Variants in BRIP1 observed in about 807,000 individuals in gnomAD.
BRIP1 encodes the protein Fanconi anemia group J protein.
Under a neutral mutation model 119.7 loss-of-function variants are expected in BRIP1, and 88 were observed. That is an observed-to-expected ratio of 0.74 (90% CI 0.62 to 0.88). The LOEUF (loss-of-function observed/expected upper bound fraction) is 0.88, where lower values mean the gene tolerates loss of function less well. Among genes scored for constraint, BRIP1 ranks in the 40% least tolerant of loss-of-function variants. BRIP1 has a pLI of 0.00. For synonymous variants in BRIP1, 443 were observed against 496.5 expected (o/e 0.89, Z 1.43); for missense variants, 1,259 against 1,455.4 (o/e 0.87, Z 2.20).
intron 11 of BRIP1, 52 bp from the exon 12 acceptor site, chr17:61,781,057 C>A (rs937461559): frequency 6.5e-7 from 1 of 1,549,326 alleles, no homozygotes. Context: ...AAACCTATGA[C>A]CCAGCTACAT....
Position 61,805,914 on chromosome 17 carries a change from TA to T in BRIP1, c.918+2552del, listed in dbSNP as rs2078067364. Among the ~76,000 whole-genome samples, 1 of 152,214 alleles carries T rather than the reference TA, an allele frequency of 6.6e-6. No homozygotes were observed. Among genetic ancestry groups the T allele is most frequent in the Non-Finnish European group, 1.5e-5 (1 of 68,012 alleles). ...ACCAAAAAAAGATATATATCTAAAA[TA>T]ATATTTCAGAATTGTCATTCCTGAC... On this transcript the variant is annotated intron_variant, in intron 7 of 19. Coordinates refer to ENST00000259008, the MANE Select transcript of BRIP1 (RefSeq NM_032043.3). The surrounding 1 kb of genome is among the most constrained non-coding windows in gnomAD (Gnocchi z 5.6).
intron 14 of BRIP1, among the ~76,000 whole-genome samples, chr17:61,765,382 TATA>T (rs1567798682): frequency 0.039 from 704 of 18,138 alleles, 9 homozygotes; most frequent in Non-Finnish European, 0.043. Flanking sequence ...GTATATATTA[TATA>T]TATATATATA....
intron 16 of BRIP1, among the ~76,000 whole-genome samples, chr17:61,718,177 C>T (rs955946249): frequency 6.6e-6 from 1 of 152,030 alleles, no homozygotes; most frequent in South Asian, 2.1e-4. Context: ...TCTTTGCATG[C>T]CTGCTAATTT....
Position 61,799,034 on chromosome 17 carries a change from T to A in BRIP1, c.1340+66A>T. The A allele has an allele frequency of 2.1e-6, 3 of 1,448,998 alleles. No individual in the cohort carries two copies. Among genetic ancestry groups the A allele is most frequent in the South Asian group, 2.3e-5 (2 of 87,638 alleles). The allele number at this position is 1,448,998 out of a possible 1,614,324, so 89.8% of individuals were successfully genotyped here. On this transcript the variant is annotated intron_variant, in intron 9 of 19. Coordinates refer to ENST00000259008, the MANE Select transcript of BRIP1 (RefSeq NM_032043.3). The surrounding 1 kb of genome is among the most constrained non-coding windows in gnomAD (Gnocchi z 5.1). Reference sequence around the variant, plus strand: ...CAAAGTTTACTAACTTTAAATACTCTGGCATAATCAAACATATTTTTCATA... The same window carrying A: ...CAAAGTTTACTAACTTTAAATACTCAGGCATAATCAAACATATTTTTCATA...
chr17:61,820,688 G>A (rs1452007399), intron 6 of BRIP1, among the ~76,000 whole-genome samples: 3 of 152,142 alleles, frequency 2.0e-5, no homozygotes, highest in African/African-American at 7.2e-5. Context: ...AGTGGCTCAC[G>A]CCTGTAATCC....
chr17:61,687,597 T>C lies in BRIP1; in HGVS notation c.2576-1432A>G, dbSNP rs2061380588. Among the ~76,000 whole-genome samples, 1 of 152,188 alleles carries C rather than the reference T, an allele frequency of 6.6e-6. No individual in the cohort carries two copies. The highest frequency in any genetic ancestry group is 2.4e-5 in the African/African-American group (1 of 41,466). ...CTAATCTAAAACAAAATTTAACATC[T>C]CTTTATTATAATAAAATGTATTTTT... On this transcript the variant is annotated intron_variant, in intron 18 of 19. Coordinates refer to ENST00000259008, the MANE Select transcript of BRIP1 (RefSeq NM_032043.3). The surrounding 1 kb of genome is among the most constrained non-coding windows in gnomAD (Gnocchi z 5.1).
chr17:61,793,081 C>T lies in BRIP1; in HGVS notation c.1473+516G>A, dbSNP rs1032466190. Among the ~76,000 whole-genome samples, 4 of 151,906 alleles carry T rather than the reference C, an allele frequency of 2.6e-5. No homozygotes were observed. The highest frequency in any genetic ancestry group is 1.3e-4 in the Admixed American group (2 of 15,220). ...ACAAAAAAAGAAAATATATTCTTAT[C>T]GGCAAAAAACATTAGAAAATATAAT... is the stretch of plus-strand genomic sequence containing the variant. On this transcript the variant is annotated intron_variant, in intron 10 of 19. Coordinates refer to ENST00000259008, the MANE Select transcript of BRIP1 (RefSeq NM_032043.3). The surrounding 1 kb of genome is among the most constrained non-coding windows in gnomAD (Gnocchi z 5.2).
In BRIP1 at chr17:61,809,737, GA is replaced by G. The variant is rs1182936163; in HGVS notation, c.628-981del. The stretch of plus-strand genomic sequence containing the variant: ...ATAGAAGTGGTCATTGATGGGGAGG[GA>G]AAAAAGGTAAATAGCATTGTAACTT... On this transcript the variant is annotated intron_variant, in intron 6 of 19. Coordinates refer to ENST00000259008, the MANE Select transcript of BRIP1 (RefSeq NM_032043.3). This position sits in a 1 kb window ranked among gnomAD's most constrained non-coding sequence, Gnocchi z 5.2. Among the ~76,000 whole-genome samples the G allele has an allele frequency of 6.6e-6, 1 of 151,918 alleles. No individual in the cohort carries two copies. The highest frequency in any genetic ancestry group is 2.4e-5 in the African/African-American group (1 of 41,388).
rs1028264018 is a variant in BRIP1, at chr17:61,827,648, G to C, written c.628-18891C>G. Among the ~76,000 whole-genome samples the C allele has an allele frequency of 6.6e-6, 1 of 152,194 alleles. No individual in the cohort carries two copies. The highest frequency in any genetic ancestry group is 1.5e-5 in the Non-Finnish European group (1 of 68,026). The stretch of plus-strand genomic sequence containing the variant: ...GGAGGCTGAGGTGGGAGGACTGCTT[G>C]ATCCTGGGAGGCGGACACTGCAGTC... On this transcript the variant is annotated intron_variant, in intron 6 of 19. Transcript: ENST00000259008. This position sits in a 1 kb window ranked among gnomAD's most constrained non-coding sequence, Gnocchi z 5.8.
intron 6 of BRIP1, among the ~76,000 whole-genome samples, chr17:61,826,153 G>T (rs968201624): frequency 2.0e-5 from 3 of 152,142 alleles, no homozygotes; most frequent in African/African-American, 4.8e-5. Flanking sequence ...AATGGGGAAA[G>T]GATTCCCTAT....
In BRIP1 at chr17:61,683,623, A is replaced by G. The variant is rs2144076602; in HGVS notation, c.3423T>C (p.Asp1141=). ...YFTPELYDPE[D]TDEEKNDLAE... is the part of the protein sequence containing the mutation. The stretch of plus-strand genomic sequence containing the variant: ...CTAGGTCATTTTTTTCTTCATCTGT[A>G]TCTTCAGGATCATAAAGTTCAGGTG... Residue 1141 remains aspartate (D), a synonymous_variant, in exon 20 of 20, where the codon GAT becomes GAC. Coordinates refer to ENST00000259008, the MANE Select transcript of BRIP1 (RefSeq NM_032043.3). This position sits in a 1 kb window ranked among gnomAD's most constrained non-coding sequence, Gnocchi z 4.7. 6.2e-7 allele frequency: 1 copy of G among 1,612,320 alleles called. No individual in the cohort carries two copies. The highest frequency in any genetic ancestry group is 8.5e-7 in the Non-Finnish European group (1 of 1,179,888).
rs1013590165 is a variant in BRIP1 at position 61,743,907 on chromosome 17, G to A, written c.2257+525C>T. Among the ~76,000 whole-genome samples, 1 of 151,982 alleles carries A rather than the reference G, an allele frequency of 6.6e-6. No homozygotes were observed. Among genetic ancestry groups the A allele is most frequent in the Non-Finnish European group, 1.5e-5 (1 of 68,000 alleles). ...TCACCATGTTGCCCAGGCTGGTCTC[G>A]AACTCCTGGGCTCAAGTGATCCACC... On this transcript the variant is annotated intron_variant, in intron 15 of 19. Transcript: ENST00000259008. The surrounding 1 kb of genome is among the most constrained non-coding windows in gnomAD (Gnocchi z 4.3).
In BRIP1 at chr17:61,776,920, C is replaced by T. The variant is rs1054002741; in HGVS notation, c.1936-358G>A. ...ATACCAATAGCAGAATCAGATAATT[C>T]CAAAATACTGGGGATGAAGGCCAGT... On this transcript the variant is annotated intron_variant, in intron 13 of 19. Coordinates refer to ENST00000259008, the MANE Select transcript of BRIP1 (RefSeq NM_032043.3). The surrounding 1 kb of genome is among the most constrained non-coding windows in gnomAD (Gnocchi z 5.0). 2.3e-4 allele frequency among the ~76,000 whole-genome samples: 35 copies of T among 152,082 alleles called. 1 individual carries two copies. Among genetic ancestry groups the T allele is most frequent in the Non-Finnish European group, 1.3e-4 (9 of 68,002 alleles).
In BRIP1 at chr17:61,778,406, G is replaced by C. The variant is rs1010992308; in HGVS notation, c.1936-1844C>G. 6.6e-6 allele frequency among the ~76,000 whole-genome samples: 1 copy of C among 152,168 alleles called. No individual in the cohort carries two copies. Among genetic ancestry groups the C allele is most frequent in the South Asian group, 2.1e-4 (1 of 4,818 alleles). On this transcript the variant is annotated intron_variant, in intron 13 of 19. Coordinates refer to ENST00000259008, the MANE Select transcript of BRIP1 (RefSeq NM_032043.3). The surrounding 1 kb of genome is among the most constrained non-coding windows in gnomAD (Gnocchi z 4.4). ...TTCAAGAGGAGAAAGTCTTGAGATT[G>C]GTTGCACAACAACATATACATACTT...
intron 13 of BRIP1, among the ~76,000 whole-genome samples, chr17:61,779,307 T>C (rs2077578459): frequency 6.6e-6 from 1 of 152,196 alleles, no homozygotes; most frequent in Non-Finnish European, 1.5e-5. Flanking sequence ...CTGGGCATGG[T>C]AGTACATGCC....
intron 14 of BRIP1, among the ~76,000 whole-genome samples, chr17:61,765,407 ATATATATATATATATATT>A (rs2077349750): frequency 7.6e-5 from 1 of 13,244 alleles, no homozygotes; most frequent in Non-Finnish European, 1.4e-4. Context: ...ATATATATAT[ATATATATATATATATATT>A]TTTTTTTTTT....
intron 14 of BRIP1, among the ~76,000 whole-genome samples, chr17:61,773,210 A>G (rs1015481063): frequency 6.6e-6 from 1 of 152,144 alleles, no homozygotes; most frequent in African/African-American, 2.4e-5. Context: ...CAAAAATTTT[A>G]AAAGAATTAA....
chr17:61,725,827 A>G lies in BRIP1; in HGVS notation c.2380-9764T>C, dbSNP rs879368673. ...ATTATTTTAGAGACGCAGTCTCACTACATTGCCCAGGCTGGTCTTGAACTC... is the reference window on the plus strand; with the variant it reads ...ATTATTTTAGAGACGCAGTCTCACTGCATTGCCCAGGCTGGTCTTGAACTC... On this transcript the variant is annotated intron_variant, in intron 16 of 19. Transcript: ENST00000259008. The surrounding 1 kb of genome is among the most constrained non-coding windows in gnomAD (Gnocchi z 5.3). Among the ~76,000 whole-genome samples the G allele has an allele frequency of 2.0e-5, 3 of 152,136 alleles. No homozygotes were observed. The highest frequency in any genetic ancestry group is 4.4e-5 in the Non-Finnish European group (3 of 68,026).
In BRIP1 at chr17:61,861,371, G is replaced by A; in HGVS notation, c.93+76C>T. 1 of 971,106 alleles carries A rather than the reference G, an allele frequency of 1.0e-6. No individual in the cohort carries two copies. Among genetic ancestry groups the A allele is most frequent in the Admixed American group, 1.8e-5 (1 of 55,556 alleles). 60.2% of individuals were successfully genotyped at this position (971,106 alleles called of 1,614,324 possible). ...TCCATTTACTGAGAATATGAATGCA[G>A]TCAAATACTCAATGTACTTTATGGG... On this transcript the variant is annotated intron_variant, in intron 2 of 19. Coordinates refer to ENST00000259008, the MANE Select transcript of BRIP1 (RefSeq NM_032043.3). This position sits in a 1 kb window ranked among gnomAD's most constrained non-coding sequence, Gnocchi z 4.5.
Sources: allele counts gnomAD v4.1 joint callset (sites outside exome capture counted in the v4.1 genomes callset), GRCh38; gene constraint gnomAD v4.1.1; non-coding constraint Gnocchi (gnomAD v3.1); transcripts MANE v1.5; gene names NCBI Gene and HGNC (gene_info 2026-07-23, HGNC 2026-07-21).